Variants in KIF20B observed in about 807,000 individuals in gnomAD.
KIF20B encodes the protein kinesin-like protein KIF20B.
In KIF20B, 188 loss-of-function variants were observed where a neutral mutation model predicts 232.5. That is an observed-to-expected ratio of 0.81 (90% CI 0.72 to 0.91). The LOEUF (loss-of-function observed/expected upper bound fraction) is 0.91. Among genes scored for constraint, KIF20B ranks in the 40% least tolerant of loss-of-function variants. The pLI is 0.00. For synonymous variants in KIF20B, 712 were observed against 683.0 expected, an observed-to-expected ratio of 1.04 and a Z score of -0.66; for missense variants, 2,154 against 2,055.9, an observed-to-expected ratio of 1.05 and a Z score of -0.92.
rs1401127491 is a variant in KIF20B, at chr10:89,716,562, CTG to C, written c.1052+17_1052+18del. 1.4e-5 allele frequency: 17 copies of C among 1,223,784 alleles called. No individual in the cohort carries two copies. The highest frequency in any genetic ancestry group is 1.9e-5 in the Non-Finnish European group (16 of 843,542). The allele number at this position is 1,223,784 out of a possible 1,614,324, so 75.8% of individuals were successfully genotyped here. On this transcript the variant is annotated intron_variant, in intron 9 of 32. Transcript: ENST00000371728. ...TCCAGTAGAAGGTAAAGAATAAACTCTGTAAGAGTAAACTCGAATCACCGATA... is the reference window on the plus strand; with the variant it reads ...TCCAGTAGAAGGTAAAGAATAAACTCTAAGAGTAAACTCGAATCACCGATA...
At position 89,724,944 on chromosome 10, in the gene KIF20B, A is replaced by C. The variant is rs1589859672; in HGVS notation, c.1863-76A>C. ...TTTTCTTTTAATCTAGAATATACTT[A>C]AACTTAGATGTTTAAAACAAAAACA... On this transcript the variant is annotated intron_variant, in intron 14 of 32. Coordinates refer to ENST00000371728, the MANE Select transcript of KIF20B (RefSeq NM_001284259.2). 4.2e-6 allele frequency: 6 copies of C among 1,412,084 alleles called. No homozygotes were observed. In the East Asian group the frequency reaches 1.1e-4, roughly 27 times the overall value. 87.5% of individuals were successfully genotyped at this position (1,412,084 alleles called of 1,614,324 possible).
rs2133177376 is a variant in KIF20B, at chr10:89,768,106, T to A, written c.4990-184T>A. On this transcript the variant is annotated intron_variant, in intron 29 of 32. Coordinates refer to ENST00000371728, the MANE Select transcript of KIF20B (RefSeq NM_001284259.2). ...ACTCGTGGCCAATAATATCCCCTTC[T>A]CCCTGGCAAAGACAACCAAAAATAT... 2.0e-5 allele frequency among the ~76,000 whole-genome samples: 3 copies of A among 152,148 alleles called. No homozygotes were observed. The South Asian group carries it at 6.2e-4, about 32-fold the overall frequency.
At chr10:89,757,040 G>GTGTGTATATA (rs1301847520) in intron 26 of KIF20B, among the ~76,000 whole-genome samples, 152 of 110,740 alleles carry the variant, frequency 1.4e-3, no homozygotes, top group East Asian at 4.9e-3. Context: ...GTGTGTGTGT[G>GTGTGTATATA]TATATATATA....
rs1453281457 is a variant in KIF20B, at chr10:89,719,499, CAGTAATTCAA to C, written c.1517_1526del (p.Ser506ThrfsTer5). ...AATCTTCTCAAGATGTATCACTAGACAGTAATTCAAACAGTAAAATATTAAATGTAAAAAG... is the reference window on the plus strand; with the variant it reads ...AATCTTCTCAAGATGTATCACTAGACACAGTAAAATATTAAATGTAAAAAG... On this transcript the variant is annotated frameshift_variant, in exon 13 of 33. Transcript: ENST00000371728. LOFTEE classifies it high-confidence loss of function. 6.2e-6 allele frequency: 10 copies of C among 1,606,778 alleles called. No homozygotes were observed. The highest frequency in any genetic ancestry group is 8.5e-6 in the Non-Finnish European group (10 of 1,173,956).
intron 14 of KIF20B, 48 bp downstream of exon 14, chr10:89,724,151 G>C (rs7079174): frequency 0.75 from 1,034,770 of 1,388,434 alleles, 388,656 homozygotes; most frequent in East Asian, 0.94. Flanking sequence ...ATTTTATTTA[G>C]TTTTTTAGTT....
chr10:89,764,421 A>G (rs1842309990), intron 29 of KIF20B, among the ~76,000 whole-genome samples: 1 of 152,150 alleles, frequency 6.6e-6, no homozygotes, highest in African/African-American at 2.4e-5. Flanking sequence ...CAGTAATGGG[A>G]TAGCTGAGTC....
chr10:89,767,102 C>A (rs1418398563), intron 29 of KIF20B, among the ~76,000 whole-genome samples: 6 of 151,570 alleles, frequency 4.0e-5, no homozygotes, highest in African/African-American at 1.2e-4. Context: ...ACTCAATCTT[C>A]ACTGCTATAA....
chr10:89,768,259 A>G, intron 29 of KIF20B, 31 bp from the exon 30 acceptor site: 1 of 1,302,212 alleles, frequency 7.7e-7, no homozygotes, highest in East Asian at 2.4e-5. Flanking sequence ...TTGTCAAGAA[A>G]TTAACTGGTG....
Position 89,723,148 on chromosome 10 carries a change from G to A in KIF20B, c.1723-816G>A, listed in dbSNP as rs1843103587. Among the ~76,000 whole-genome samples, 6 of 152,150 alleles carry A rather than the reference G, an allele frequency of 3.9e-5. 1 individual carries two copies. In the South Asian group the frequency reaches 1.2e-3, roughly 32 times the overall value. The stretch of plus-strand genomic sequence containing the variant: ...TTCAGTATAAATTCTTGGAGGCAGA[G>A]TTTCAAAGTCTGGATAGCTGTAGAA... On this transcript the variant is annotated intron_variant, in intron 13 of 32. Coordinates refer to ENST00000371728, the MANE Select transcript of KIF20B (RefSeq NM_001284259.2).
chr10:89,711,057 A>G lies in KIF20B; in HGVS notation c.587A>G (p.His196Arg), dbSNP rs1320050810. The G allele has an allele frequency of 3.1e-6, 5 of 1,608,216 alleles. No homozygotes were observed. In the East Asian group the frequency reaches 6.7e-5, roughly 22 times the overall value. The change falls in exon 6 of 33, where the codon CAT becomes CGT. Residue 196 changes from histidine (H) to arginine (R), a missense_variant. Physicochemically the swap from His to Arg is conservative, Grantham distance 29. Coordinates refer to ENST00000371728, the MANE Select transcript of KIF20B (RefSeq NM_001284259.2). ...TATACAAAGATGAACCTTAAACCAC[A>G]TAGATCCAGAGAATACTTAAGGTTA... Reference protein sequence around the residue: ...RLYTKMNLKPHRSREYLRLSS... With the variant: ...RLYTKMNLKPRRSREYLRLSS...
In KIF20B at chr10:89,709,225, C is replaced by A. The variant is rs890920094; in HGVS notation, c.206C>A (p.Thr69Lys). 1.2e-6 allele frequency: 2 copies of A among 1,610,596 alleles called. No individual in the cohort carries two copies. The highest frequency in any genetic ancestry group is 2.2e-5 in the South Asian group (2 of 90,388). Residue 69 changes from threonine (T) to lysine (K), a missense_variant, in exon 3 of 33, where the codon ACA (threonine) becomes AAA (lysine). Physicochemically the swap from Thr to Lys is moderately conservative, Grantham distance 78 (BLOSUM62 -1). Transcript: ENST00000371728. Reference sequence around the variant, plus strand: ...GTTTGTCTTCGAATAAGACCATTTACACAGTCAGAAAAAGAACTTGAGTCT... The same window carrying A: ...GTTTGTCTTCGAATAAGACCATTTAAACAGTCAGAAAAAGAACTTGAGTCT... Reference protein sequence around the residue: ...LQVCLRIRPFTQSEKELESEG... With the variant: ...LQVCLRIRPFKQSEKELESEG...
intron 31 of KIF20B, among the ~76,000 whole-genome samples, chr10:89,770,613 T>C (rs982641728): frequency 6.6e-6 from 1 of 152,032 alleles, no homozygotes; most frequent in East Asian, 1.9e-4. Flanking sequence ...ATTTTTTTTT[T>C]CCTTTTTTCT....
intron 2 of KIF20B, among the ~76,000 whole-genome samples, chr10:89,706,950 G>A (rs1455009067): frequency 1.3e-5 from 2 of 152,100 alleles, no homozygotes; most frequent in African/African-American, 4.8e-5. Flanking sequence ...AGCATCTTGG[G>A]ATTTTGACTG....
At chr10:89,722,414 A>G (rs1843079428) in intron 13 of KIF20B, among the ~76,000 whole-genome samples, 1 of 152,248 alleles carries the variant, frequency 6.6e-6, no homozygotes, top group African/African-American at 2.4e-5. Context: ...TCATGCCTGT[A>G]ATCCCAGCAC....
At chr10:89,709,527 A>G (rs1337852878) in intron 4 of KIF20B, 66 bp downstream of exon 4, 8 of 944,988 alleles carry the variant, frequency 8.5e-6, no homozygotes, top group South Asian at 7.0e-5. Context: ...CTAAATTGCT[A>G]TATAATTGTA....
At position 89,773,984 on chromosome 10, in the gene KIF20B, A is replaced by G. The variant is rs376533308; in HGVS notation, c.5399A>G (p.Gln1800Arg). Residue 1800 changes from glutamine (Q) to arginine (R), a missense_variant, in exon 33 of 33, where the codon CAG (glutamine) becomes CGG (arginine). Gln to Arg is a conservative substitution (Grantham distance 43, BLOSUM62 1). Coordinates refer to ENST00000371728, the MANE Select transcript of KIF20B (RefSeq NM_001284259.2). ...DISGQVILMD[Q>R]KMKESDHQII... ...TTTTAATTTCAGATTTTAATGGACC[A>G]GAAAATGAAGGAGAGTGATCACCAG... is the stretch of plus-strand genomic sequence containing the variant. The G allele has an allele frequency of 2.8e-5, 44 of 1,564,340 alleles. No homozygotes were observed. The highest frequency in any genetic ancestry group is 1.7e-4 in the Middle Eastern group (1 of 5,912).
rs1360179353 is a variant in KIF20B at position 89,737,632 on chromosome 10, A to G, written c.2791A>G (p.Lys931Glu). The G allele has an allele frequency of 6.2e-7, 1 of 1,609,546 alleles. No homozygotes were observed. ...TGAAAAAAAGAATTTAACTTTAAGT[A>G]AAGAGGTCCAACAAATTCAGTCAAA... ...LSEKKNLTLS[K>E]EVQQIQSNYD... is the part of the protein sequence containing the mutation. The change falls in exon 20 of 33, where the codon AAA becomes GAA. Residue 931 changes from lysine to glutamate, a missense_variant. Transcript: ENST00000371728.
At chr10:89,768,716 C>G in intron 30 of KIF20B, 22 bp from the exon 31 acceptor site, 1 of 1,564,474 alleles carries the variant, frequency 6.4e-7, no homozygotes. Context: ...TCAACAATAA[C>G]AAAAAATGTT....
chr10:89,751,065 T>G (rs1842011291), intron 23 of KIF20B, among the ~76,000 whole-genome samples: 1 of 152,084 alleles, frequency 6.6e-6, no homozygotes. Flanking sequence ...TTAATTGTAT[T>G]AGAAATTGTT....
Sources: allele counts gnomAD v4.1 joint callset (sites outside exome capture counted in the v4.1 genomes callset), GRCh38; gene constraint gnomAD v4.1.1; transcripts MANE v1.5; gene names NCBI Gene and HGNC (gene_info 2026-07-23, HGNC 2026-07-21).